The following IFT140 variants were observed in gnomAD, a reference collection of about 807,000 sequenced individuals.
IFT140 encodes the protein intraflagellar transport protein 140 homolog.
In IFT140, 133 loss-of-function variants were observed where a neutral mutation model predicts 164.6. The observed-to-expected ratio is 0.81, with a 90% CI of 0.70 to 0.93. The LOEUF (loss-of-function observed/expected upper bound fraction) is 0.93. Ranked by LOEUF, IFT140 falls within the 40% of genes least tolerant of loss-of-function variation. The pLI is 0.00. For missense variants in IFT140, 2,045 were observed against 1,972.3 expected (o/e 1.04, Z -0.70); for synonymous variants, 860 against 817.3 (o/e 1.05, Z -0.89).
intron 4 of IFT140, among the ~76,000 whole-genome samples, chr16:1,598,826 C>T (rs987054553): frequency 5.9e-4 from 90 of 152,070 alleles, no homozygotes; most frequent in Admixed American, 2.6e-4. Flanking sequence ...AGCCTCTGCC[C>T]GGCCGCCACC....
intron 3 of IFT140, among the ~76,000 whole-genome samples, chr16:1,605,962 G>A (rs917457203): frequency 1.6e-4 from 25 of 152,164 alleles, no homozygotes; most frequent in African/African-American, 4.8e-4. Context: ...GAGAAGAGAC[G>A]CAGACATACA....
chr16:1,576,046 G>A (rs1339990339), intron 13 of IFT140, among the ~76,000 whole-genome samples: 3 of 152,166 alleles, frequency 2.0e-5, no homozygotes, highest in Admixed American at 2.0e-4. Flanking sequence ...AGCACTTTGG[G>A]AGACTGAGGC....
chr16:1,598,816 A>T (rs1413595143), intron 4 of IFT140, among the ~76,000 whole-genome samples: 1 of 152,164 alleles, frequency 6.6e-6, no homozygotes. Flanking sequence ...CCGAGATTGC[A>T]GCCTCTGCCC....
At chr16:1,511,669 C>T (rs1010738817) in intron 30 of IFT140, among the ~76,000 whole-genome samples, 2 of 151,930 alleles carry the variant, frequency 1.3e-5, no homozygotes, top group South Asian at 2.1e-4. Context: ...AGTGGACCTG[C>T]GTTTAAGGAA....
intron 7 of IFT140, among the ~76,000 whole-genome samples, chr16:1,589,120 A>G (rs1402083380): frequency 1.3e-5 from 2 of 152,204 alleles, no homozygotes; most frequent in East Asian, 3.8e-4. Flanking sequence ...AGGGCATGTA[A>G]AGGCCCGAAT....
chr16:1,523,661 T>C lies in IFT140; in HGVS notation c.3310A>G (p.Thr1104Ala). Residue 1104 changes from threonine to alanine, a missense_variant, in exon 26 of 31, where the codon ACC (threonine) becomes GCC (alanine). Coordinates refer to ENST00000426508, the MANE Select transcript of IFT140 (RefSeq NM_014714.4). ...AGCTGTAGGGCCACAAACTGCTGGG[T>C]GGCAAAGGCCAGCTCCAGGGCCTTG... is the stretch of plus-strand genomic sequence containing the variant. ...FSKALELAFA[T>A]QQFVALQLIA... 1.9e-6 allele frequency: 3 copies of C among 1,613,820 alleles called. 1 individual carries two copies. The East Asian group carries it at 6.7e-5, about 36-fold the overall frequency.
intron 19 of IFT140, chr16:1,527,092 G>A (rs956761811): frequency 2.5e-5 from 11 of 432,232 alleles, no homozygotes; most frequent in East Asian, 1.4e-4. Flanking sequence ...TGCTCTAAGC[G>A]GCTGTCTGAT....
Position 1,541,948 on chromosome 16 carries a change from A to G in IFT140, c.2400-15152T>C, listed in dbSNP as rs1203186962. The G allele has an allele frequency of 1.9e-6, 3 of 1,608,422 alleles. No individual in the cohort carries two copies. In the East Asian group the frequency reaches 6.7e-5, roughly 36 times the overall value. Reference sequence around the variant, plus strand: ...CAGTTCGACATGATGCGCGCCTGCAACCTGGTGGCCACGGCCGCGCTCACC... The same window carrying G: ...CAGTTCGACATGATGCGCGCCTGCAGCCTGGTGGCCACGGCCGCGCTCACC... On this transcript the variant is annotated intron_variant, in intron 19 of 30. Transcript: ENST00000426508.
At chr16:1,516,769 CAA>C (rs777538656) in intron 30 of IFT140, among the ~76,000 whole-genome samples, 64 of 53,192 alleles carry the variant, frequency 1.2e-3, no homozygotes, top group African/African-American at 3.2e-3. Flanking sequence ...CACTCTGTCT[CAA>C]AAAAAAAAAA....
At chr16:1,541,565 C>T (rs1054127248) in intron 19 of IFT140, 1 of 909,446 alleles carries the variant, frequency 1.1e-6, no homozygotes, top group Non-Finnish European at 1.3e-6. Flanking sequence ...TGGGCTTCCC[C>T]TTCCCACCTC....
At chr16:1,575,124 G>A (rs1354802179) in intron 13 of IFT140, among the ~76,000 whole-genome samples, 1 of 151,154 alleles carries the variant, frequency 6.6e-6, no homozygotes, top group Non-Finnish European at 1.5e-5. Flanking sequence ...CAACACTTTG[G>A]GAGGCTGAGG....
chr16:1,565,113 A>C (rs1320931431), intron 16 of IFT140, among the ~76,000 whole-genome samples: 1 of 152,162 alleles, frequency 6.6e-6, no homozygotes, highest in African/African-American at 2.4e-5. Flanking sequence ...CACAGCTCCC[A>C]GGGGAAGCCA....
chr16:1,572,665 A>T (rs2034085013), intron 13 of IFT140, among the ~76,000 whole-genome samples: 1 of 152,206 alleles, frequency 6.6e-6, no homozygotes, highest in Non-Finnish European at 1.5e-5. Flanking sequence ...ACAACAAAAA[A>T]GAAAGCATAT....
Position 1,553,838 on chromosome 16 carries a change from G to A in IFT140, c.2399+4097C>T, listed in dbSNP as rs537481254. On this transcript the variant is annotated intron_variant, in intron 19 of 30. Coordinates refer to ENST00000426508, the MANE Select transcript of IFT140 (RefSeq NM_014714.4). This position sits in a 1 kb window ranked among gnomAD's most constrained non-coding sequence, Gnocchi z 4.4. ...TTAGGACGCCCGGCTCCATCGCTGC[G>A]GCCACAGTGTCCTGTTATCCTAGTT... 3.1e-4 allele frequency: 380 copies of A among 1,212,528 alleles called. No homozygotes were observed. In the African/African-American group the frequency reaches 4.9e-3, roughly 16 times the overall value. 75.1% of individuals were successfully genotyped at this position (1,212,528 alleles called of 1,614,324 possible). A position where few individuals can be genotyped will look rare whatever the true frequency, so the allele number is the denominator to read the frequency against.
intron 19 of IFT140, among the ~76,000 whole-genome samples, chr16:1,552,735 G>A (rs2032762427): frequency 7.0e-6 from 1 of 142,972 alleles, no homozygotes; most frequent in South Asian, 2.2e-4. Context: ...TGCAACCTCC[G>A]CCTCTTGGGT....
chr16:1,592,460 C>T lies in IFT140; in HGVS notation c.491+7G>A, dbSNP rs187521755. Reference sequence around the variant, plus strand: ...CACACAGGTCACAGGGCAAGCCCCACACTTACTCGCCAGGAGGGGGGAGCC... The same window carrying T: ...CACACAGGTCACAGGGCAAGCCCCATACTTACTCGCCAGGAGGGGGGAGCC... On this transcript the variant is annotated splice_region_variant and intron_variant, in intron 5 of 30. Transcript: ENST00000426508. 749 of 1,613,922 alleles carry T rather than the reference C, an allele frequency of 4.6e-4. 10 individuals carry two copies. The East Asian group carries it at 0.016, about 35-fold the overall frequency.
intron 7 of IFT140, 37 bp downstream of exon 7, chr16:1,589,568 A>C: frequency 6.3e-7 from 1 of 1,598,696 alleles, no homozygotes; most frequent in Non-Finnish European, 8.6e-7. Flanking sequence ...CTGGCCCAAG[A>C]TCCCCAGCGT....
chr16:1,524,478 G>A, intron 24 of IFT140, 74 bp downstream of exon 24: 1 of 1,561,270 alleles, frequency 6.4e-7, no homozygotes. Flanking sequence ...GATTCTCTCT[G>A]TCCACTTTTC....
chr16:1,565,133 G>C (rs2033639791), intron 16 of IFT140, among the ~76,000 whole-genome samples: 1 of 152,224 alleles, frequency 6.6e-6, no homozygotes, highest in South Asian at 2.1e-4. Context: ...ACACACGGCA[G>C]GCGCAGAGTC....
Sources: allele counts gnomAD v4.1 joint callset (sites outside exome capture counted in the v4.1 genomes callset), GRCh38; gene constraint gnomAD v4.1.1; non-coding constraint Gnocchi (gnomAD v3.1); transcripts MANE v1.5; gene names NCBI Gene and HGNC (gene_info 2026-07-23, HGNC 2026-07-21).